Variants in WDR70 observed in about 807,000 individuals in gnomAD.
WDR70 encodes the protein WD repeat-containing protein 70.
A neutral mutation model predicts 88.6 loss-of-function variants in WDR70; 53 were observed. The observed-to-expected ratio is 0.60, with a 90% CI of 0.48 to 0.75. WDR70 has a LOEUF of 0.75. Among genes scored for constraint, WDR70 ranks in the 30% least tolerant of loss-of-function variants. The probability of loss-of-function intolerance (pLI) is 0.00; values close to 1 mark genes in which losing one functional copy is unlikely to be tolerated. For synonymous variants in WDR70, 280 were observed against 270.0 expected (o/e 1.04, Z -0.36); for missense variants, 610 against 823.2 (o/e 0.74, Z 3.17).
At chr5:37,465,511 A>G (rs1739123809) in intron 7 of WDR70, among the ~76,000 whole-genome samples, 1 of 152,212 alleles carries the variant, frequency 6.6e-6, no homozygotes, top group South Asian at 2.1e-4. Context: ...AGCTAGTAGT[A>G]GCTGTGCAGA....
chr5:37,464,242 C>T (rs963606627), intron 7 of WDR70, among the ~76,000 whole-genome samples: 7 of 152,178 alleles, frequency 4.6e-5, no homozygotes, highest in African/African-American at 1.7e-4. Flanking sequence ...AAGCATATAT[C>T]CTGTGAACTG....
intron 7 of WDR70, among the ~76,000 whole-genome samples, chr5:37,469,008 C>G (rs1293631021): frequency 1.3e-5 from 2 of 152,116 alleles, no homozygotes. Context: ...ATAGTCCTAT[C>G]CTCACAGAAC....
intron 5 of WDR70, among the ~76,000 whole-genome samples, chr5:37,436,430 C>T (rs554328339): frequency 6.6e-6 from 1 of 152,200 alleles, no homozygotes; most frequent in South Asian, 2.1e-4. Flanking sequence ...GCATTTCTGG[C>T]TTTTTCTGTA....
chr5:37,697,092 G>A (rs989665892), intron 10 of WDR70, among the ~76,000 whole-genome samples: 7 of 152,098 alleles, frequency 4.6e-5, no homozygotes, highest in African/African-American at 1.7e-4. Context: ...TGATTGTGAG[G>A]ACTAAATAGG....
At chr5:37,721,243 A>G in intron 14 of WDR70, 28 bp downstream of exon 14, 2 of 1,595,994 alleles carry the variant, frequency 1.3e-6, no homozygotes, top group Non-Finnish European at 1.7e-6. Flanking sequence ...CCTGTTTTAG[A>G]TGGATGACAA....
At chr5:37,566,602 C>T (rs1432676630) in intron 9 of WDR70, among the ~76,000 whole-genome samples, 1 of 152,036 alleles carries the variant, frequency 6.6e-6, no homozygotes, top group Non-Finnish European at 1.5e-5. Context: ...TAGAAACACC[C>T]CATTTTTGCA....
chr5:37,657,577 A>G (rs191116063), intron 10 of WDR70, among the ~76,000 whole-genome samples: 36 of 152,304 alleles, frequency 2.4e-4, no homozygotes, highest in African/African-American at 8.4e-4. Flanking sequence ...TCATTTGTAC[A>G]TGATGATTTG....
At chr5:37,554,389 T>G (rs965850349) in intron 9 of WDR70, among the ~76,000 whole-genome samples, 1 of 152,140 alleles carries the variant, frequency 6.6e-6, no homozygotes, top group Non-Finnish European at 1.5e-5. Context: ...ACTCAAGTTC[T>G]GTGAGATTTG....
chr5:37,735,619 T>C (rs1332759422), intron 17 of WDR70, among the ~76,000 whole-genome samples: 4 of 152,204 alleles, frequency 2.6e-5, no homozygotes, highest in Non-Finnish European at 4.4e-5. Context: ...GTCTGTGGCA[T>C]GTAATTTGTT....
At chr5:37,545,741 C>G (rs1741971174) in intron 9 of WDR70, among the ~76,000 whole-genome samples, 1 of 152,088 alleles carries the variant, frequency 6.6e-6, no homozygotes, top group Non-Finnish European at 1.5e-5. Context: ...CCAGGCTGTT[C>G]TAGAACTCCT....
At chr5:37,616,415 A>G (rs929149898) in intron 10 of WDR70, among the ~76,000 whole-genome samples, 13 of 152,080 alleles carry the variant, frequency 8.5e-5, no homozygotes, top group African/African-American at 3.1e-4. Context: ...GCCTAAATCA[A>G]AAAACTTTTT....
At chr5:37,539,992 A>G (rs1020200205) in intron 9 of WDR70, among the ~76,000 whole-genome samples, 1 of 152,208 alleles carries the variant, frequency 6.6e-6, no homozygotes, top group Non-Finnish European at 1.5e-5. Flanking sequence ...GTGACTTTTG[A>G]TCTACTCAGT....
intron 10 of WDR70, among the ~76,000 whole-genome samples, chr5:37,643,030 A>C (rs933104984): frequency 6.6e-6 from 1 of 151,954 alleles, no homozygotes; most frequent in Non-Finnish European, 1.5e-5. Context: ...TTGATTACCT[A>C]TGCTTGTGGG....
chr5:37,503,270 A>G (rs1199417158), intron 8 of WDR70, among the ~76,000 whole-genome samples: 1 of 151,134 alleles, frequency 6.6e-6, no homozygotes, highest in African/African-American at 2.4e-5. Context: ...TTTTTTTTAA[A>G]CTGTAAGTTC....
chr5:37,583,104 C>T (rs1743265971), intron 9 of WDR70, among the ~76,000 whole-genome samples: 1 of 152,142 alleles, frequency 6.6e-6, no homozygotes, highest in Non-Finnish European at 1.5e-5. Flanking sequence ...CGCCCGTACA[C>T]ATAGAAAATG....
intron 9 of WDR70, among the ~76,000 whole-genome samples, chr5:37,521,482 T>A (rs1221020019): frequency 6.6e-6 from 1 of 152,148 alleles, no homozygotes; most frequent in African/African-American, 2.4e-5. Flanking sequence ...CTTTTATCTC[T>A]CACCACTCGC....
At position 37,529,337 on chromosome 5, in the gene WDR70, G is replaced by GT. The variant is rs889309601; in HGVS notation, c.917+12753dup. Among the ~76,000 whole-genome samples the GT allele has an allele frequency of 3.9e-4, 60 of 151,904 alleles. 1 individual carries two copies. Among genetic ancestry groups the GT allele is most frequent in the African/African-American group, 1.4e-3 (60 of 41,494 alleles). On this transcript the variant is annotated intron_variant, in intron 9 of 17. Coordinates refer to ENST00000265107, the MANE Select transcript of WDR70 (RefSeq NM_018034.4). ...TTGGTTCCCTATGAATTTTGAGGTT[G>GT]TTTTTTCTAGTTCTGTGCAGAATCA...
chr5:37,554,781 A>C (rs563496986), intron 9 of WDR70, among the ~76,000 whole-genome samples: 2 of 152,028 alleles, frequency 1.3e-5, no homozygotes. Context: ...ATCATAGTGC[A>C]CTACAGCCTC....
At chr5:37,686,897 C>T (rs1034368454) in intron 10 of WDR70, among the ~76,000 whole-genome samples, 19 of 150,028 alleles carry the variant, frequency 1.3e-4, no homozygotes, top group African/African-American at 3.4e-4. Flanking sequence ...AAGAGGCCTA[C>T]GAGATTGTGC....
Sources: gnomAD v4.1 joint callset for allele counts (sites outside exome capture counted in the v4.1 genomes callset) on GRCh38, gnomAD v4.1.1 for gene constraint, MANE v1.5 for transcripts, NCBI Gene and HGNC (gene_info 2026-07-23, HGNC 2026-07-21) for gene names.